The following SCFD2 variants were observed in gnomAD, a reference collection of about 807,000 sequenced individuals.
SCFD2 encodes sec1 family domain-containing protein 2.
In SCFD2, 54 loss-of-function variants were observed where a neutral mutation model predicts 58.9. The observed-to-expected ratio is 0.92, with a 90% CI of 0.74 to 1.15. SCFD2 has a LOEUF of 1.15. Ranked by LOEUF, SCFD2 falls within the 50% of genes most tolerant of loss-of-function variation. SCFD2 has a pLI of 0.00. For missense variants in SCFD2, 805 were observed against 836.6 expected (o/e 0.96, Z 0.47); for synonymous variants, 321 against 335.9 (o/e 0.96, Z 0.49).
chr4:53,265,744 TTTTA>T (rs570447452), intron 4 of SCFD2, among the ~76,000 whole-genome samples: 266 of 152,042 alleles, frequency 1.7e-3, no homozygotes, highest in African/African-American at 5.8e-3. Flanking sequence ...TTCTTTTGCC[TTTTA>T]TTTATTTATT....
At chr4:53,275,537 T>C (rs1731301939) in intron 3 of SCFD2, among the ~76,000 whole-genome samples, 1 of 152,230 alleles carries the variant, frequency 6.6e-6, no homozygotes, top group Non-Finnish European at 1.5e-5. Context: ...CTACATACAG[T>C]AAAATTCAGC....
At chr4:52,979,968 G>C (rs1721339710) in intron 5 of SCFD2, among the ~76,000 whole-genome samples, 1 of 152,056 alleles carries the variant, frequency 6.6e-6, no homozygotes, top group African/African-American at 2.4e-5. Flanking sequence ...ATTACCTCTT[G>C]TCTTGTTCTG....
intron 5 of SCFD2, among the ~76,000 whole-genome samples, chr4:53,062,391 CAATAATAAT>C (rs60077342): frequency 2.0e-5 from 3 of 149,856 alleles, no homozygotes; most frequent in African/African-American, 7.4e-5. Flanking sequence ...CGTACAATAA[CAATAATAAT>C]AATAATAATA....
chr4:53,172,269 C>G (rs1213989456), intron 4 of SCFD2, among the ~76,000 whole-genome samples: 1 of 152,114 alleles, frequency 6.6e-6, no homozygotes, highest in Non-Finnish European at 1.5e-5. Flanking sequence ...TCCCAAAGTG[C>G]TGGGATTACA....
At chr4:52,930,989 CT>C (rs1041133290) in intron 5 of SCFD2, among the ~76,000 whole-genome samples, 66 of 152,246 alleles carry the variant, frequency 4.3e-4, no homozygotes, top group African/African-American at 1.5e-3. Flanking sequence ...GCAATTAAAC[CT>C]ACTGTAAGTG....
intron 5 of SCFD2, among the ~76,000 whole-genome samples, chr4:52,997,079 C>G (rs1209557466): frequency 2.0e-5 from 3 of 152,210 alleles, no homozygotes; most frequent in African/African-American, 7.2e-5. Flanking sequence ...TCCAGGCCAG[C>G]TATTGACTAG....
At chr4:53,292,604 G>C (rs1485133239) in intron 3 of SCFD2, among the ~76,000 whole-genome samples, 1 of 152,184 alleles carries the variant, frequency 6.6e-6, no homozygotes, top group African/African-American at 2.4e-5. Context: ...CTCTTGGTAG[G>C]TGTGTAGATT....
chr4:53,126,960 C>T (rs1388295846), intron 5 of SCFD2, among the ~76,000 whole-genome samples: 1 of 151,898 alleles, frequency 6.6e-6, no homozygotes, highest in East Asian at 1.9e-4. Flanking sequence ...ATGGAGTGCT[C>T]AGTACCTGAC....
At chr4:52,973,249 C>A (rs1044168775) in intron 5 of SCFD2, among the ~76,000 whole-genome samples, 1 of 151,816 alleles carries the variant, frequency 6.6e-6, no homozygotes, top group Non-Finnish European at 1.5e-5. Flanking sequence ...TTGAAAAGAT[C>A]AACAAAATTG....
intron 5 of SCFD2, among the ~76,000 whole-genome samples, chr4:53,063,233 T>C (rs1723564742): frequency 6.6e-6 from 1 of 152,154 alleles, no homozygotes; most frequent in Non-Finnish European, 1.5e-5. Flanking sequence ...AAAATTTATT[T>C]ACAAACAGTG....
At chr4:53,104,953 G>A (rs1480719172) in intron 5 of SCFD2, among the ~76,000 whole-genome samples, 2 of 152,142 alleles carry the variant, frequency 1.3e-5, no homozygotes, top group African/African-American at 2.4e-5. Flanking sequence ...CAACACAAAA[G>A]GAAGGTGATT....
intron 7 of SCFD2, among the ~76,000 whole-genome samples, chr4:52,889,013 C>T (rs1247957700): frequency 6.6e-6 from 1 of 152,208 alleles, no homozygotes; most frequent in Non-Finnish European, 1.5e-5. Context: ...AGCATCACCA[C>T]CTTCAAAGTC....
At chr4:52,901,238 G>A (rs192489365) in intron 7 of SCFD2, among the ~76,000 whole-genome samples, 26 of 152,276 alleles carry the variant, frequency 1.7e-4, no homozygotes, top group African/African-American at 6.0e-4. Context: ...CATCACTCAC[G>A]CTGGGAGCTG....
intron 2 of SCFD2, among the ~76,000 whole-genome samples, chr4:53,344,001 G>A (rs1297339112): frequency 2.0e-5 from 3 of 152,152 alleles, no homozygotes; most frequent in African/African-American, 7.2e-5. Context: ...CATACTGAAT[G>A]GACAAAAACT....
intron 5 of SCFD2, among the ~76,000 whole-genome samples, chr4:53,108,392 G>A (rs1725067470): frequency 6.6e-6 from 1 of 151,796 alleles, no homozygotes; most frequent in South Asian, 2.1e-4. Context: ...GAGATATAGA[G>A]ACACGAAAAA....
chr4:53,139,151 G>A (rs775968543), intron 5 of SCFD2, among the ~76,000 whole-genome samples: 4 of 152,172 alleles, frequency 2.6e-5, no homozygotes, highest in Non-Finnish European at 5.9e-5. Flanking sequence ...GATTGCAGAC[G>A]GAGTCTCGCT....
At chr4:53,088,878 T>A (rs1456937106) in intron 5 of SCFD2, among the ~76,000 whole-genome samples, 2 of 152,122 alleles carry the variant, frequency 1.3e-5, no homozygotes, top group Non-Finnish European at 2.9e-5. Context: ...AATTCATATG[T>A]TGAAATACTA....
intron 2 of SCFD2, among the ~76,000 whole-genome samples, chr4:53,344,673 G>A (rs1337198246): frequency 6.6e-6 from 1 of 152,180 alleles, no homozygotes; most frequent in Non-Finnish European, 1.5e-5. Flanking sequence ...TGAAGCTGGA[G>A]ACATCACACT....
chr4:53,003,075 G>T (rs1721899678), intron 5 of SCFD2, among the ~76,000 whole-genome samples: 2 of 152,138 alleles, frequency 1.3e-5, no homozygotes, highest in Admixed American at 1.3e-4. Flanking sequence ...CCATGATCCA[G>T]TCCCCTCCCA....
Sources: gnomAD v4.1 joint callset for allele counts (sites outside exome capture counted in the v4.1 genomes callset) on GRCh38, gnomAD v4.1.1 for gene constraint, MANE v1.5 for transcripts, NCBI Gene and HGNC (gene_info 2026-07-23, HGNC 2026-07-21) for gene names.